NUP155: variants seen among roughly 807,000 people sequenced by gnomAD.
The protein encoded by NUP155 is nucleoporin 155.
Under a neutral mutation model 180.4 loss-of-function variants are expected in NUP155, and 71 were observed. The observed-to-expected ratio is 0.39, with a 90% confidence interval of 0.33 to 0.48. The LOEUF is 0.48. Ranked by LOEUF, NUP155 falls within the 20% of genes least tolerant of loss-of-function variation. NUP155 has a pLI of 0.91. For missense variants in NUP155, 1,553 were observed against 1,648.9 expected (o/e 0.94, Z 1.01); for synonymous variants, 582 against 559.5 (o/e 1.04, Z -0.57).
rs547453455 is a variant in NUP155, at chr5:37,360,490, A to T, written c.393-2339T>A. ...ACAGAATGAGACTCAGTCTCAAAAAAAAAAGCCAATGAAGGCCAAGTGCGG... is the reference window on the plus strand; with the variant it reads ...ACAGAATGAGACTCAGTCTCAAAAATAAAAGCCAATGAAGGCCAAGTGCGG... On this transcript the variant is annotated intron_variant, in intron 3 of 34. Transcript: ENST00000231498. 4.5e-4 allele frequency among the ~76,000 whole-genome samples: 68 copies of T among 151,276 alleles called. 1 individual carries two copies. The highest frequency in any genetic ancestry group is 1.6e-3 in the African/African-American group (66 of 41,142).
In NUP155 at chr5:37,364,311, G is replaced by A. The variant is rs1165116709; in HGVS notation, c.231C>T (p.Asn77=). The part of the protein sequence containing the change: ...LQGPGLLSVP[N]LPEISSIRRV... Reference sequence around the variant, plus strand: ...TTCGGATGGAACTGATCTCTGGAAGGTTGGGTACGGACAGCAAACCAGGTC... The same window carrying A: ...TTCGGATGGAACTGATCTCTGGAAGATTGGGTACGGACAGCAAACCAGGTC... The change falls in exon 2 of 35, where the codon AAC becomes AAT. Residue 77 remains asparagine (N), a synonymous_variant. Transcript: ENST00000231498. 7.4e-6 allele frequency: 12 copies of A among 1,611,804 alleles called. No homozygotes were observed. Among genetic ancestry groups the A allele is most frequent in the Non-Finnish European group, 9.3e-6 (11 of 1,178,052 alleles).
intron 1 of NUP155, among the ~76,000 whole-genome samples, chr5:37,365,770 C>T (rs1335618840): frequency 6.0e-5 from 8 of 133,750 alleles, no homozygotes; most frequent in African/African-American, 1.1e-4. Flanking sequence ...CACACACACA[C>T]ACACACACAC....
chr5:37,353,812 T>C (rs1447561748), intron 4 of NUP155, among the ~76,000 whole-genome samples: 1 of 152,148 alleles, frequency 6.6e-6, no homozygotes, highest in Non-Finnish European at 1.5e-5. Context: ...GAGTTTTTAG[T>C]TAATAGGTAC....
rs1363752597 is a variant in NUP155, at chr5:37,342,545, A to C, written c.1093+4T>G. On this transcript the variant is annotated splice_donor_region_variant and intron_variant, in intron 10 of 34. Coordinates refer to ENST00000231498, the MANE Select transcript of NUP155 (RefSeq NM_153485.3). ...ATAGCAGATATGTAAATAAAACAAC[A>C]TACCTGCATGTGTGACAGCCAATAA... 3.2e-6 allele frequency: 5 copies of C among 1,583,300 alleles called. No homozygotes were observed. In the African/African-American group the frequency reaches 5.4e-5, roughly 17 times the overall value.
At chr5:37,339,218 A>C (rs1277317573) in intron 11 of NUP155, among the ~76,000 whole-genome samples, 1 of 150,618 alleles carries the variant, frequency 6.6e-6, no homozygotes, top group African/African-American at 2.5e-5. Context: ...AACATGAGGC[A>C]GGAGGATTGC....
rs1165696306 is a variant in NUP155 at position 37,318,005 on chromosome 5, A to G, written c.2288T>C (p.Leu763Pro). ...NGNPQQMQQE[L>P]QRKFHEAQLS... Reference sequence around the variant, plus strand: ...TAATTTACCATGAAACTTCCTCTGCAGTTCCTGTTGCATTTGCTGGGGATT... The same window carrying G: ...TAATTTACCATGAAACTTCCTCTGCGGTTCCTGTTGCATTTGCTGGGGATT... Residue 763 changes from leucine (L) to proline (P), a missense_variant, in exon 21 of 35, where the codon CTG (leucine) becomes CCG (proline). By Grantham distance (98) the Leu-to-Pro change is moderately conservative. Transcript: ENST00000231498. 3 of 1,604,116 alleles carry G rather than the reference A, an allele frequency of 1.9e-6. No individual in the cohort carries two copies. The highest frequency in any genetic ancestry group is 1.7e-6 in the Non-Finnish European group (2 of 1,170,792).
intron 9 of NUP155, among the ~76,000 whole-genome samples, chr5:37,343,917 G>A (rs1272105368): frequency 6.6e-6 from 1 of 151,946 alleles, no homozygotes; most frequent in Non-Finnish European, 1.5e-5. Context: ...GGAGAAAATG[G>A]ATCTTTATAA....
intron 3 of NUP155, among the ~76,000 whole-genome samples, chr5:37,358,845 C>A (rs1028880794): frequency 6.6e-6 from 1 of 152,014 alleles, no homozygotes; most frequent in Non-Finnish European, 1.5e-5. Context: ...GGTGAAACCC[C>A]GTCTCTACTA....
chr5:37,329,907 C>T (rs2150965602), intron 15 of NUP155, 131 bp downstream of exon 15: 1 of 687,110 alleles, frequency 1.5e-6, no homozygotes, highest in East Asian at 2.8e-5. Context: ...CACCCTTTTG[C>T]AAATGAATTT....
In NUP155 at chr5:37,327,870, T is replaced by A. The variant is rs919384710; in HGVS notation, c.1877-94A>T. 9 of 1,375,734 alleles carry A rather than the reference T, an allele frequency of 6.5e-6. No homozygotes were observed. In the Admixed American group the frequency reaches 9.7e-5, roughly 15 times the overall value. The allele number at this position is 1,375,734 out of a possible 1,614,324, so 85.2% of individuals were successfully genotyped here. ...ATCTTAGAACCCATAAATCTCTTAA[T>A]CTTAGAACCCATAAAATTCAGAATT... On this transcript the variant is annotated intron_variant, in intron 17 of 34. Transcript: ENST00000231498.
chr5:37,369,570 G>A (rs1455555738), intron 1 of NUP155, among the ~76,000 whole-genome samples: 1 of 150,954 alleles, frequency 6.6e-6, no homozygotes, highest in African/African-American at 2.5e-5. Flanking sequence ...TCACACCTAA[G>A]GAGGCCAAAA....
chr5:37,305,337 G>A, intron 25 of NUP155, 127 bp from the exon 26 acceptor site: 1 of 793,096 alleles, frequency 1.3e-6, no homozygotes, highest in Non-Finnish European at 2.1e-6. Flanking sequence ...TTGAGGCTGG[G>A]AGTTCAAGAC....
chr5:37,355,426 T>C (rs1179045743), intron 4 of NUP155, among the ~76,000 whole-genome samples: 1 of 151,620 alleles, frequency 6.6e-6, no homozygotes, highest in Non-Finnish European at 1.5e-5. Flanking sequence ...GAGAATCGCT[T>C]AAACCCAGGA....
At position 37,291,703 on chromosome 5, in the gene NUP155, C is replaced by A; in HGVS notation, c.*197G>T. 2.2e-6 allele frequency: 1 copy of A among 457,532 alleles called. No homozygotes were observed. Among genetic ancestry groups the A allele is most frequent in the Non-Finnish European group, 3.9e-6 (1 of 256,784 alleles). 28.3% of individuals were successfully genotyped at this position (457,532 alleles called of 1,614,324 possible). A position where few individuals can be genotyped will look rare whatever the true frequency, so the allele number is the denominator to read the frequency against. On this transcript the variant is annotated 3_prime_UTR_variant, in exon 35 of 35. Coordinates refer to ENST00000231498, the MANE Select transcript of NUP155 (RefSeq NM_153485.3). ...AATCTCATTTCAGTTGTTTTTTCAC[C>A]CAATTACTAAAAAACAAAATAGTCA...
intron 12 of NUP155, among the ~76,000 whole-genome samples, chr5:37,334,066 G>A (rs1187731885): frequency 6.6e-6 from 1 of 151,170 alleles, no homozygotes; most frequent in East Asian, 1.9e-4. Flanking sequence ...CTCCCAAAGC[G>A]CTGGGATTAC....
intron 3 of NUP155, among the ~76,000 whole-genome samples, chr5:37,363,236 C>T (rs532218312): frequency 1.5e-4 from 23 of 152,182 alleles, no homozygotes; most frequent in South Asian, 1.2e-3. Flanking sequence ...TTTTAATGCA[C>T]GTGTGTTCCT....
chr5:37,333,049 C>T (rs1003452632), intron 13 of NUP155, among the ~76,000 whole-genome samples: 5 of 151,974 alleles, frequency 3.3e-5, no homozygotes, highest in South Asian at 2.1e-4. Context: ...TCTCAATAAA[C>T]AAAGTCAAAT....
At chr5:37,356,019 C>T (rs559097380) in intron 4 of NUP155, among the ~76,000 whole-genome samples, 12 of 151,836 alleles carry the variant, frequency 7.9e-5, no homozygotes, top group African/African-American at 2.4e-4. Context: ...CACCTGAGGT[C>T]GGGAGTTCAA....
At chr5:37,298,614 T>C (rs948813046) in intron 32 of NUP155, among the ~76,000 whole-genome samples, 10 of 152,174 alleles carry the variant, frequency 6.6e-5, no homozygotes, top group Admixed American at 2.6e-4. Flanking sequence ...AATATAATCA[T>C]AGTTTGTCAG....
Sources: allele counts gnomAD v4.1 joint callset (sites outside exome capture counted in the v4.1 genomes callset), GRCh38; gene constraint gnomAD v4.1.1; transcripts MANE v1.5; gene names NCBI Gene and HGNC (gene_info 2026-07-23, HGNC 2026-07-21).